HDAC9: variants seen among roughly 807,000 people sequenced by gnomAD.
The protein encoded by HDAC9 is histone deacetylase 9.
HDAC9 carries 41 observed loss-of-function variants against 139.4 expected under a neutral mutation model. That is an observed-to-expected ratio of 0.29 (90% CI 0.23 to 0.38). HDAC9 has a LOEUF of 0.38. Ranked by LOEUF, HDAC9 falls within the 10% of genes least tolerant of loss-of-function variation. The probability of loss-of-function intolerance (pLI) is 1.00; values close to 1 mark genes in which losing one functional copy is unlikely to be tolerated. For synonymous variants in HDAC9, 517 were observed against 476.2 expected, an observed-to-expected ratio of 1.09 and a Z score of -1.12; for missense variants, 1,147 against 1,297.0, an observed-to-expected ratio of 0.88 and a Z score of 1.78.
At chr7:18,494,630 C>T (rs1032055646), upstream of HDAC9, among the ~76,000 whole-genome samples, 5 of 152,002 alleles carry the variant, frequency 3.3e-5, no homozygotes, top group African/African-American at 1.2e-4. Flanking sequence ...GCACCAGAGA[C>T]TATAAAACTC....
chr7:18,244,972 C>T, intron 2 of HDAC9, among the ~76,000 whole-genome samples: 1 of 44,816 alleles, frequency 2.2e-5, no homozygotes, highest in Non-Finnish European at 5.1e-5. Context: ...CATATATATA[C>T]ATCTCTCTAT....
At chr7:18,925,041 G>GA (rs1804094086) in intron 22 of HDAC9, among the ~76,000 whole-genome samples, 1 of 152,102 alleles carries the variant, frequency 6.6e-6, no homozygotes. Context: ...TTTTCAAACT[G>GA]AAAAAATAGC....
intron 17 of HDAC9, among the ~76,000 whole-genome samples, chr7:18,802,611 G>A (rs185773246): frequency 1.9e-3 from 276 of 148,370 alleles, no homozygotes; most frequent in African/African-American, 6.5e-3. Context: ...TGGTGTTGAA[G>A]TTTCCACATA....
At chr7:18,293,205 T>C (rs1361700806) in intron 1 of HDAC9, among the ~76,000 whole-genome samples, 1 of 152,120 alleles carries the variant, frequency 6.6e-6, no homozygotes, top group Non-Finnish European at 1.5e-5. Context: ...TTTGAAATCA[T>C]ATGATCTTTT....
At chr7:18,973,366 A>G (rs974223005) in intron 24 of HDAC9, among the ~76,000 whole-genome samples, 2 of 152,226 alleles carry the variant, frequency 1.3e-5, no homozygotes, top group African/African-American at 4.8e-5. Flanking sequence ...TGTAAATGTC[A>G]TCTGCTAAAA....
At position 18,788,029 on chromosome 7, in the gene HDAC9, G is replaced by C. The variant is rs559566588; in HGVS notation, c.2215-5316G>C. On this transcript the variant is annotated intron_variant, in intron 16 of 25. Transcript: ENST00000686413. ...TGAGGGAGGGATGGAGAGCTGAAGG[G>C]GTACCTGGATCCTCCTGCTGTCCTC... is the stretch of plus-strand genomic sequence containing the variant. Among the ~76,000 whole-genome samples the C allele has an allele frequency of 7.3e-4, 111 of 152,218 alleles. No individual in the cohort carries two copies. In the South Asian group the frequency reaches 0.013, roughly 18 times the overall value.
At chr7:18,299,284 C>T (rs1469005692) in intron 1 of HDAC9, among the ~76,000 whole-genome samples, 3 of 150,656 alleles carry the variant, frequency 2.0e-5, no homozygotes. Flanking sequence ...AAAATTTGAC[C>T]TACTTAGAAA....
chr7:18,324,269 A>G (rs1800263746), intron 1 of HDAC9, among the ~76,000 whole-genome samples: 1 of 152,158 alleles, frequency 6.6e-6, no homozygotes. Flanking sequence ...TATTATGGCT[A>G]CAAAATGCTA....
intron 6 of HDAC9, among the ~76,000 whole-genome samples, chr7:18,596,549 C>A (rs1479130550): frequency 6.6e-6 from 1 of 151,992 alleles, no homozygotes; most frequent in East Asian, 1.9e-4. Flanking sequence ...ACAAACAAAG[C>A]GAACAATAAA....
chr7:18,787,574 A>G (rs887309856), intron 16 of HDAC9, among the ~76,000 whole-genome samples: 5 of 152,214 alleles, frequency 3.3e-5, no homozygotes, highest in African/African-American at 1.2e-4. Flanking sequence ...TTAGAATGGT[A>G]CATAAAGCAA....
intron 22 of HDAC9, among the ~76,000 whole-genome samples, chr7:18,902,839 G>T (rs1420193670): frequency 6.6e-6 from 1 of 152,178 alleles, no homozygotes; most frequent in African/African-American, 2.4e-5. Flanking sequence ...TATGTCTCTA[G>T]TTTACATGTA....
At position 18,498,571 on chromosome 7, in the gene HDAC9, G is replaced by C. The variant is rs112697880; in HGVS notation, c.22+2247G>C. On this transcript the variant is annotated intron_variant, in intron 2 of 25. Coordinates refer to ENST00000686413, the MANE Select transcript of HDAC9 (RefSeq NM_178425.4). ...TCTTGTTCAGCTCCCTTTTGGACCA[G>C]TGGTCTGGACGTGATTCATAGGCTT... is the stretch of plus-strand genomic sequence containing the variant. Among the ~76,000 whole-genome samples, 1,284 of 152,210 alleles carry C rather than the reference G, an allele frequency of 8.4e-3. 21 individuals carry two copies. The highest frequency in any genetic ancestry group is 0.029 in the African/African-American group (1,221 of 41,540).
chr7:18,473,862 G>T (rs1427662189), intron 1 of HDAC9, among the ~76,000 whole-genome samples: 1 of 152,190 alleles, frequency 6.6e-6, no homozygotes, highest in Non-Finnish European at 1.5e-5. Flanking sequence ...TTTGGGTAAA[G>T]TCTAAGAGGA....
intron 2 of HDAC9, among the ~76,000 whole-genome samples, chr7:18,505,305 T>C (rs1176732749): frequency 6.6e-6 from 1 of 152,196 alleles, no homozygotes; most frequent in Non-Finnish European, 1.5e-5. Context: ...TTTTTTGAAA[T>C]GTTAGCATTA....
chr7:18,989,543 C>G (rs1252834614), intron 25 of HDAC9, among the ~76,000 whole-genome samples: 1 of 149,914 alleles, frequency 6.7e-6, no homozygotes, highest in African/African-American at 2.5e-5. Context: ...TGGAGTTGCT[C>G]TTCTTGAGGA....
intron 12 of HDAC9, among the ~76,000 whole-genome samples, chr7:18,692,322 G>C (rs149490899): frequency 6.6e-6 from 1 of 152,088 alleles, no homozygotes; most frequent in African/African-American, 2.4e-5. Flanking sequence ...TTAGCAAACT[G>C]GTGGCTCTGA....
intron 1 of HDAC9, among the ~76,000 whole-genome samples, chr7:18,141,958 C>T (rs1419984800): frequency 6.6e-6 from 1 of 152,134 alleles, no homozygotes; most frequent in Admixed American, 6.6e-5. Context: ...AATACCCTAT[C>T]AGTTCATTGA....
Position 19,000,691 on chromosome 7 carries a change from T to G in HDAC9, c.*4629T>G, listed in dbSNP as rs192561708. On this transcript the variant is annotated 3_prime_UTR_variant, in exon 26 of 26. Transcript: ENST00000686413. ...GATAAGGTAATAAGGTTGTTGCAAT[T>G]TCTCAAAGCATCTTAATTCTCAAAC... 2.6e-4 allele frequency: 40 copies of G among 152,342 alleles called. No homozygotes were observed. In the East Asian group the frequency reaches 2.9e-3, roughly 11 times the overall value. The allele number at this position is 152,342 out of a possible 1,614,324, so 9.4% of individuals were successfully genotyped here. A position where few individuals can be genotyped will look rare whatever the true frequency, so the allele number is the denominator to read the frequency against.
At chr7:18,733,482 C>A (rs1384109184) in intron 13 of HDAC9, among the ~76,000 whole-genome samples, 2 of 151,058 alleles carry the variant, frequency 1.3e-5, no homozygotes, top group Non-Finnish European at 3.0e-5. Flanking sequence ...CTTGAAATTT[C>A]TTTCAAAAAA....
Sources: allele counts gnomAD v4.1 joint callset (sites outside exome capture counted in the v4.1 genomes callset), GRCh38; gene constraint gnomAD v4.1.1; transcripts MANE v1.5; gene names NCBI Gene and HGNC (gene_info 2026-07-23, HGNC 2026-07-21).